Variants in PPP1R26 observed in about 807,000 individuals in gnomAD.
The protein encoded by PPP1R26 is 1A6/DRIM (down-regulated in metastasis) interacting protein.
In PPP1R26, 22 loss-of-function variants were observed where a neutral mutation model predicts 67.6. The ratio of observed to expected loss-of-function variants is 0.33; its 90% CI spans 0.23 to 0.46. The LOEUF is 0.46. Ranked by LOEUF, PPP1R26 falls within the 20% of genes least tolerant of loss-of-function variation. The pLI is 1.00. For synonymous variants in PPP1R26, 729 were observed against 717.2 expected, an observed-to-expected ratio of 1.02 and a Z score of -0.26; for missense variants, 1,602 against 1,651.4, an observed-to-expected ratio of 0.97 and a Z score of 0.52.
chr9:135,482,181 C>T (rs189062463), intron 1 of PPP1R26, among the ~76,000 whole-genome samples: 6 of 152,318 alleles, frequency 3.9e-5, no homozygotes, highest in African/African-American at 7.2e-5. Flanking sequence ...TTAATTTAGA[C>T]GCTCCTCAGC....
At position 135,487,648 on chromosome 9, in the gene PPP1R26, C is replaced by G. The variant is rs1185633846; in HGVS notation, c.3138C>G (p.Gly1046=). 2 of 1,473,226 alleles carry G rather than the reference C, an allele frequency of 1.4e-6. No individual in the cohort carries two copies. Among genetic ancestry groups the G allele is most frequent in the East Asian group, 4.9e-5 (2 of 40,850 alleles). The allele number at this position is 1,473,226 out of a possible 1,614,324, so 91.3% of individuals were successfully genotyped here. Residue 1046 remains glycine, a synonymous_variant, in exon 4 of 4, where the codon GGC becomes GGG. Coordinates refer to ENST00000356818, the MANE Select transcript of PPP1R26 (RefSeq NM_014811.5). ...GCCCGTGGGTGCTGCGCTCCGAAGG[C>G]AGAGATGCAGTGTGGAGGGGGGGCG... ...LPSPWVLRSE[G]RDAVWRGGVG...
chr9:135,484,543 T>C lies in PPP1R26; in HGVS notation c.33T>C (p.Ala11=), dbSNP rs192524772. MFLMNASPVV[A]LQSKWEAFGP... Reference sequence around the variant, plus strand: ...TCATGAACGCTTCTCCAGTGGTTGCTCTCCAGTCCAAATGGGAGGCCTTTG... The same window carrying C: ...TCATGAACGCTTCTCCAGTGGTTGCCCTCCAGTCCAAATGGGAGGCCTTTG... Residue 11 remains alanine, a synonymous_variant, in exon 4 of 4, where the codon GCT becomes GCC. Coordinates refer to ENST00000356818, the MANE Select transcript of PPP1R26 (RefSeq NM_014811.5). 9.3e-5 allele frequency: 149 copies of C among 1,607,468 alleles called. No homozygotes were observed. The highest frequency in any genetic ancestry group is 2.0e-5 in the Non-Finnish European group (24 of 1,178,876).
At position 135,486,062 on chromosome 9, in the gene PPP1R26, C is replaced by A; in HGVS notation, c.1552C>A (p.Pro518Thr). Residue 518 changes from proline (P) to threonine (T), a missense_variant, in exon 4 of 4, where the codon CCT becomes ACT. Coordinates refer to ENST00000356818, the MANE Select transcript of PPP1R26 (RefSeq NM_014811.5). This position sits in a 1 kb window ranked among gnomAD's most constrained non-coding sequence, Gnocchi z 6.2. ...ASPLFYSPNV[P>T]SRSDGDSSSV... is the part of the protein sequence containing the mutation. ...CCCACTCTTCTACTCCCCGAACGTGCCTTCCCGCTCTGACGGCGACAGTAG... is the reference window on the plus strand; with the variant it reads ...CCCACTCTTCTACTCCCCGAACGTGACTTCCCGCTCTGACGGCGACAGTAG... 6.2e-7 allele frequency: 1 copy of A among 1,613,142 alleles called. No individual in the cohort carries two copies. Among genetic ancestry groups the A allele is most frequent in the Non-Finnish European group, 8.5e-7 (1 of 1,180,042 alleles).
At position 135,483,911 on chromosome 9, in the gene PPP1R26, A is replaced by AT. The variant is rs1830609526; in HGVS notation, c.-195-36dup. The AT allele has an allele frequency of 7.5e-6, 3 of 398,704 alleles. No homozygotes were observed. The East Asian group carries it at 1.1e-4, about 14-fold the overall frequency. The allele number at this position is 398,704 out of a possible 1,614,324, so 24.7% of individuals were successfully genotyped here. A position where few individuals can be genotyped will look rare whatever the true frequency, so the allele number is the denominator to read the frequency against. ...GCCCTTCAAGATGTTTGGGGAAATAATTTCTGAGTGGCTCACATCATACAA... is the reference window on the plus strand; with the variant it reads ...GCCCTTCAAGATGTTTGGGGAAATAATTTTCTGAGTGGCTCACATCATACAA... On this transcript the variant is annotated intron_variant, in intron 2 of 3. Transcript: ENST00000356818.
Position 135,485,855 on chromosome 9 carries a change from C to T in PPP1R26, c.1345C>T (p.Leu449Phe), listed in dbSNP as rs754055477. 6 of 1,613,460 alleles carry T rather than the reference C, an allele frequency of 3.7e-6. No homozygotes were observed. The highest frequency in any genetic ancestry group is 5.1e-6 in the Non-Finnish European group (6 of 1,180,016). The change falls in exon 4 of 4, where the codon CTC becomes TTC. Residue 449 changes from leucine (L) to phenylalanine (F), a missense_variant. By Grantham distance (22) the Leu-to-Phe change is conservative. Transcript: ENST00000356818. This position sits in a 1 kb window ranked among gnomAD's most constrained non-coding sequence, Gnocchi z 7.2. ...CCTGGACACTGACCATGCCCCCAAG[C>T]TCCTGAAGGAAACCAAAGCTCCACC... The part of the protein sequence containing the change: ...GGLDTDHAPK[L>F]LKETKAPPPA...
chr9:135,485,041 T>C lies in PPP1R26; in HGVS notation c.531T>C (p.Ala177=). The C allele has an allele frequency of 1.3e-6, 2 of 1,599,544 alleles. No individual in the cohort carries two copies. Among genetic ancestry groups the C allele is most frequent in the Non-Finnish European group, 1.7e-6 (2 of 1,173,950 alleles). ...GGGSRCKPEP[A]HGSAPTALCP... is the part of the protein sequence containing the mutation. ...GCAGTAGATGTAAGCCGGAACCGGC[T>C]CACGGCAGTGCCCCGACTGCCCTGT... is the stretch of plus-strand genomic sequence containing the variant. Residue 177 remains alanine (A), a synonymous_variant, in exon 4 of 4, where the codon GCT becomes GCC. Transcript: ENST00000356818. The surrounding 1 kb of genome is among the most constrained non-coding windows in gnomAD (Gnocchi z 7.2).
At position 135,485,866 on chromosome 9, in the gene PPP1R26, A is replaced by G. The variant is rs143784594; in HGVS notation, c.1356A>G (p.Glu452=). Residue 452 remains glutamate (E), a synonymous_variant, in exon 4 of 4, where the codon GAA becomes GAG. Transcript: ENST00000356818. This position sits in a 1 kb window ranked among gnomAD's most constrained non-coding sequence, Gnocchi z 7.2. ...DTDHAPKLLK[E]TKAPPPASPA... ...ACCATGCCCCCAAGCTCCTGAAGGA[A>G]ACCAAAGCTCCACCTCCAGCGAGCC... 4.3e-6 allele frequency: 7 copies of G among 1,613,310 alleles called. No homozygotes were observed. The African/African-American group carries it at 9.3e-5, about 22-fold the overall frequency.
intron 1 of PPP1R26, among the ~76,000 whole-genome samples, chr9:135,482,453 A>G (rs1830553403): frequency 6.6e-6 from 1 of 152,256 alleles, no homozygotes; most frequent in Non-Finnish European, 1.5e-5. Context: ...TTCAGCCAGC[A>G]TCAGATCTGC....
chr9:135,486,846 GGAT>G lies in PPP1R26; in HGVS notation c.2339_2341del (p.Met780del). ...AGTGTCTTTGGCAGCACGGCAGAGAGGATGAGGCAGGAGGGTGCCGCGAGCCAG... is the reference window on the plus strand; with the variant it reads ...AGTGTCTTTGGCAGCACGGCAGAGAGGAGGCAGGAGGGTGCCGCGAGCCAG... On this transcript the variant is annotated inframe_deletion, in exon 4 of 4. Coordinates refer to ENST00000356818, the MANE Select transcript of PPP1R26 (RefSeq NM_014811.5). The surrounding 1 kb of genome is among the most constrained non-coding windows in gnomAD (Gnocchi z 6.2). 1 of 1,611,426 alleles carries G rather than the reference GGAT, an allele frequency of 6.2e-7. No individual in the cohort carries two copies. The highest frequency in any genetic ancestry group is 8.5e-7 in the Non-Finnish European group (1 of 1,179,418).
upstream of PPP1R26, among the ~76,000 whole-genome samples, chr9:135,479,402 C>A (rs964005603): frequency 1.3e-5 from 2 of 151,606 alleles, no homozygotes; most frequent in Admixed American, 6.6e-5. The surrounding 1 kb of genome is among the most constrained non-coding windows in gnomAD (Gnocchi z 5.9). Context: ...CCCACGGCCA[C>A]GCCCCCCGCG....
Position 135,485,939 on chromosome 9 carries a change from A to G in PPP1R26, c.1429A>G (p.Thr477Ala), listed in dbSNP as rs750336238. 1 of 1,613,396 alleles carries G rather than the reference A, an allele frequency of 6.2e-7. No homozygotes were observed. The highest frequency in any genetic ancestry group is 8.5e-7 in the Non-Finnish European group (1 of 1,180,016). ...FVERSSCRAD[T>A]SAELMCAEAI... ...GGAACGGTCCTCGTGCCGGGCGGAC[A>G]CATCTGCTGAGCTGATGTGTGCAGA... Residue 477 changes from threonine (T) to alanine (A), a missense_variant, in exon 4 of 4, where the codon ACA becomes GCA. Around this residue, in one of 5 missense-constraint regions of PPP1R26, gnomAD observed 680 missense variants for 726.1 expected, o/e 0.94. Transcript: ENST00000356818. This position sits in a 1 kb window ranked among gnomAD's most constrained non-coding sequence, Gnocchi z 7.2.
intron 1 of PPP1R26, among the ~76,000 whole-genome samples, chr9:135,481,197 C>A (rs532218528): frequency 2.0e-5 from 3 of 151,992 alleles, no homozygotes; most frequent in South Asian, 4.2e-4. Context: ...TGGCTTGGGC[C>A]CACACCTATC....
chr9:135,483,029 G>T (rs1285554270), intron 2 of PPP1R26, among the ~76,000 whole-genome samples: 1 of 121,922 alleles, frequency 8.2e-6, no homozygotes, highest in Non-Finnish European at 1.6e-5. Context: ...TCATTCTGTC[G>T]CCCAGACTGG....
At chr9:135,482,433 T>C (rs1005818759) in intron 1 of PPP1R26, among the ~76,000 whole-genome samples, 3 of 152,124 alleles carry the variant, frequency 2.0e-5, no homozygotes, top group African/African-American at 7.2e-5. Flanking sequence ...ACGTGCCCCA[T>C]CCCCATCACT....
In PPP1R26 at chr9:135,487,349, T is replaced by C. The variant is rs764066111; in HGVS notation, c.2839T>C (p.Ser947Pro). 17 of 1,552,940 alleles carry C rather than the reference T, an allele frequency of 1.1e-5. No individual in the cohort carries two copies. The African/African-American group carries it at 2.3e-4, about 21-fold the overall frequency. ...GCCCAGGAGCACCAGCGGCGGTGTC[T>C]CCGCCAAGGGGCTCTCAGTGAGCAG... ...VPPRSTSGGV[S>P]AKGLSVSRRN... Residue 947 changes from serine to proline, a missense_variant, in exon 4 of 4, where the codon TCC becomes CCC. Transcript: ENST00000356818.
At position 135,485,085 on chromosome 9, in the gene PPP1R26, C is replaced by T. The variant is rs773999176; in HGVS notation, c.575C>T (p.Pro192Leu). 1 of 1,611,262 alleles carries T rather than the reference C, an allele frequency of 6.2e-7. No homozygotes were observed. The highest frequency in any genetic ancestry group is 8.5e-7 in the Non-Finnish European group (1 of 1,179,368). Residue 192 changes from proline to leucine, a missense_variant, in exon 4 of 4, where the codon CCT (proline) becomes CTT (leucine). Pro to Leu is a moderately conservative substitution (Grantham distance 98). Around this residue, in one of 5 missense-constraint regions of PPP1R26, gnomAD observed 680 missense variants for 726.1 expected, o/e 0.94. Transcript: ENST00000356818. The surrounding 1 kb of genome is among the most constrained non-coding windows in gnomAD (Gnocchi z 7.2). ...PTALCPPKLV[P>L]GSGGGPGSQV... ...GCCCTGTGTCCCCCAAAACTTGTAC[C>T]TGGATCAGGTGGTGGCCCCGGCAGC...
chr9:135,483,138 C>T (rs906808622), intron 2 of PPP1R26, among the ~76,000 whole-genome samples: 5 of 151,876 alleles, frequency 3.3e-5, no homozygotes, highest in African/African-American at 1.2e-4. Flanking sequence ...TACAGGCATG[C>T]GCCACCATGC....
chr9:135,487,868 A>G lies in PPP1R26; in HGVS notation c.3358A>G (p.Arg1120Gly). ...PLQGPSFSAF[R>G]EAQAGPSPVF... The stretch of plus-strand genomic sequence containing the variant: ...GCAGGGCCCCTCCTTCTCGGCCTTC[A>G]GGGAGGCCCAGGCCGGACCCAGCCC... The change falls in exon 4 of 4, where the codon AGG becomes GGG. Residue 1120 changes from arginine (R) to glycine (G), a missense_variant. Arg to Gly is a moderately radical substitution (Grantham distance 125). This residue lies in a region of PPP1R26 where 740 missense variants were observed against 696.3 expected (regional missense o/e 1.06). Transcript: ENST00000356818. 1 of 1,585,716 alleles carries G rather than the reference A, an allele frequency of 6.3e-7. No homozygotes were observed. Among genetic ancestry groups the G allele is most frequent in the Admixed American group, 1.8e-5 (1 of 55,212 alleles).
chr9:135,485,510 A>G lies in PPP1R26; in HGVS notation c.1000A>G (p.Lys334Glu), dbSNP rs779626069. ...PCRPSEAAQNKGGIKRSASAA... is the reference protein window; with the variant it reads ...PCRPSEAAQNEGGIKRSASAA... ...CCGCCCTTCAGAAGCAGCACAGAAT[A>G]AAGGTGGGATCAAAAGGAGCGCCAG... The change falls in exon 4 of 4, where the codon AAA (lysine) becomes GAA (glutamate). Residue 334 changes from lysine to glutamate, a missense_variant. By Grantham distance (56) the Lys-to-Glu change is moderately conservative (BLOSUM62 1). Coordinates refer to ENST00000356818, the MANE Select transcript of PPP1R26 (RefSeq NM_014811.5). The surrounding 1 kb of genome is among the most constrained non-coding windows in gnomAD (Gnocchi z 7.2). 7 of 1,613,042 alleles carry G rather than the reference A, an allele frequency of 4.3e-6. No homozygotes were observed. Among genetic ancestry groups the G allele is most frequent in the Non-Finnish European group, 5.9e-6 (7 of 1,180,014 alleles).
Sources: allele counts gnomAD v4.1 joint callset (sites outside exome capture counted in the v4.1 genomes callset), GRCh38; gene constraint gnomAD v4.1.1; regional missense constraint gnomAD v4.1.1; non-coding constraint Gnocchi (gnomAD v3.1); transcripts MANE v1.5; gene names NCBI Gene and HGNC (gene_info 2026-07-23, HGNC 2026-07-21).